NTN4: variants seen among roughly 807,000 people sequenced by gnomAD.
NTN4 encodes the protein netrin-4.
A neutral mutation model predicts 73.6 loss-of-function variants in NTN4; 32 were observed. The observed-to-expected ratio is 0.44, with a 90% CI of 0.33 to 0.58. NTN4 has a LOEUF of 0.58. NTN4 is among the 20% of genes least tolerant of loss of function. NTN4 has a pLI of 0.04. For missense variants in NTN4, 654 were observed against 798.3 expected, an observed-to-expected ratio of 0.82 and a Z score of 2.18; for synonymous variants, 258 against 287.5, an observed-to-expected ratio of 0.90 and a Z score of 1.04.
intron 2 of NTN4, among the ~76,000 whole-genome samples, chr12:95,748,092 A>G (rs1354460214): frequency 1.3e-5 from 2 of 151,988 alleles, no homozygotes; most frequent in African/African-American, 4.8e-5. Flanking sequence ...TTAGCTAGGC[A>G]TGGTGGTACG....
intron 5 of NTN4, among the ~76,000 whole-genome samples, chr12:95,699,350 G>A (rs1248087321): frequency 1.3e-5 from 2 of 152,316 alleles, no homozygotes; most frequent in South Asian, 2.1e-4. Context: ...TCTTACATGT[G>A]TAATTGTGGT....
intron 2 of NTN4, among the ~76,000 whole-genome samples, chr12:95,772,621 A>C (rs1201948557): frequency 6.6e-6 from 1 of 152,158 alleles, no homozygotes; most frequent in Non-Finnish European, 1.5e-5. Flanking sequence ...TCTTCTCCAA[A>C]TCTGTTCCCT....
At chr12:95,710,665 G>A (rs781272364) in intron 4 of NTN4, 36 bp from the exon 5 acceptor site, 430 of 1,584,040 alleles carry the variant, frequency 2.7e-4, no homozygotes, top group Non-Finnish European at 3.4e-4. Context: ...ACACTAATAA[G>A]TAAAAATAAA....
At chr12:95,759,485 A>ATTTT (rs748864733) in intron 2 of NTN4, among the ~76,000 whole-genome samples, 10 of 122,320 alleles carry the variant, frequency 8.2e-5, no homozygotes, top group African/African-American at 1.4e-4. Flanking sequence ...CCCTAGTAGT[A>ATTTT]TTTTTGTTTT....
intron 2 of NTN4, among the ~76,000 whole-genome samples, chr12:95,770,036 T>C (rs10745731): frequency 0.76 from 115,985 of 152,032 alleles, 45,355 homozygotes; most frequent in South Asian, 0.9. Flanking sequence ...GGATTACAGG[T>C]GTGAGTGACC....
chr12:95,719,882 A>G lies in NTN4; in HGVS notation c.865-6544T>C, dbSNP rs114450871. On this transcript the variant is annotated intron_variant, in intron 3 of 9. Coordinates refer to ENST00000343702, the MANE Select transcript of NTN4 (RefSeq NM_021229.4). The stretch of plus-strand genomic sequence containing the variant: ...GTGTTTCAAACTCTTGCCCAATAAT[A>G]TAAGTAGTAAAAATGCAAGTAGAAA... Among the ~76,000 whole-genome samples the G allele has an allele frequency of 8.3e-3, 1,259 of 152,312 alleles. 14 individuals carry two copies. Among genetic ancestry groups the G allele is most frequent in the African/African-American group, 0.029 (1,205 of 41,568 alleles).
At chr12:95,733,739 A>T (rs1172501554) in intron 3 of NTN4, among the ~76,000 whole-genome samples, 1 of 152,028 alleles carries the variant, frequency 6.6e-6, no homozygotes, top group Non-Finnish European at 1.5e-5. Context: ...TCTGGGGAGA[A>T]GGGGAAACAT....
chr12:95,705,598 C>T (rs1183298160), intron 5 of NTN4, among the ~76,000 whole-genome samples: 1 of 152,178 alleles, frequency 6.6e-6, no homozygotes, highest in Non-Finnish European at 1.5e-5. Flanking sequence ...TATCTCTACT[C>T]ATGCTTTGTT....
chr12:95,673,168 G>A (rs1211811658), intron 7 of NTN4: 46 of 591,648 alleles, frequency 7.8e-5, no homozygotes, highest in Admixed American at 1.7e-4. Context: ...ACATCTGTAG[G>A]CATCTTGAGC....
At chr12:95,750,670 C>T (rs2078899620) in intron 2 of NTN4, among the ~76,000 whole-genome samples, 1 of 152,198 alleles carries the variant, frequency 6.6e-6, no homozygotes, top group Non-Finnish European at 1.5e-5. Context: ...CCTTCTTTCC[C>T]TCCCGCCTGT....
At chr12:95,700,079 G>GTTTTTTTTTTTT in intron 5 of NTN4, among the ~76,000 whole-genome samples, 2 of 86,288 alleles carry the variant, frequency 2.3e-5, no homozygotes, top group Admixed American at 1.4e-4. Flanking sequence ...CTAAAGTGAG[G>GTTTTTTTTTTTT]ATTTTTTTTT....
chr12:95,760,965 T>C (rs557060617), intron 2 of NTN4, among the ~76,000 whole-genome samples: 4 of 152,362 alleles, frequency 2.6e-5, no homozygotes, highest in Admixed American at 6.5e-5. Context: ...AGGATTCTAC[T>C]TGAGATTTAT....
intron 3 of NTN4, 53 bp from the exon 4 acceptor site, chr12:95,713,391 C>G: frequency 6.7e-7 from 1 of 1,502,104 alleles, no homozygotes; most frequent in Non-Finnish European, 9.0e-7. Context: ...CAAAGAAGAA[C>G]AGAACATGCT....
chr12:95,671,725 A>G (rs2078231810), intron 7 of NTN4, among the ~76,000 whole-genome samples: 1 of 152,204 alleles, frequency 6.6e-6, no homozygotes, highest in African/African-American at 2.4e-5. Flanking sequence ...ACTCATTTAT[A>G]TATTCGTTTC....
chr12:95,723,834 C>T (rs1276582465), intron 3 of NTN4, among the ~76,000 whole-genome samples: 4 of 152,196 alleles, frequency 2.6e-5, no homozygotes, highest in African/African-American at 9.6e-5. Context: ...CTTTATTTGC[C>T]TATATATGTG....
intron 3 of NTN4, among the ~76,000 whole-genome samples, chr12:95,713,797 A>G (rs1262615003): frequency 6.6e-6 from 1 of 152,126 alleles, no homozygotes; most frequent in Non-Finnish European, 1.5e-5. Flanking sequence ...TTCACATAAT[A>G]TATTGTGAAT....
intron 2 of NTN4, among the ~76,000 whole-genome samples, chr12:95,748,982 AC>A (rs2078883500): frequency 1.3e-5 from 2 of 152,164 alleles, no homozygotes; most frequent in Admixed American, 1.3e-4. Context: ...CCCTGCCTTA[AC>A]TGATGACATT....
chr12:95,702,997 A>C (rs2078497469), intron 5 of NTN4, among the ~76,000 whole-genome samples: 1 of 151,902 alleles, frequency 6.6e-6, no homozygotes, highest in South Asian at 2.1e-4. Flanking sequence ...AGGTGGGATT[A>C]CATGTGCCTG....
intron 3 of NTN4, among the ~76,000 whole-genome samples, chr12:95,730,206 T>C (rs2078728076): frequency 6.6e-6 from 1 of 152,212 alleles, no homozygotes; most frequent in Non-Finnish European, 1.5e-5. Flanking sequence ...TAAATATATA[T>C]GTTTTCTGGA....
Sources: gnomAD v4.1 joint callset for allele counts (sites outside exome capture counted in the v4.1 genomes callset) on GRCh38, gnomAD v4.1.1 for gene constraint, MANE v1.5 for transcripts, NCBI Gene and HGNC (gene_info 2026-07-23, HGNC 2026-07-21) for gene names.